The following DCDC2 variants were observed in gnomAD, a reference collection of about 807,000 sequenced individuals.
The protein encoded by DCDC2 is doublecortin domain containing 2.
A neutral mutation model predicts 50.2 loss-of-function variants in DCDC2; 40 were observed. That is an observed-to-expected ratio of 0.80 (90% CI 0.62 to 1.04). The LOEUF (loss-of-function observed/expected upper bound fraction) is 1.04, where lower values mean the gene tolerates loss of function less well. Among genes scored for constraint, DCDC2 ranks in the 50% least tolerant of loss-of-function variants. The pLI is 0.00. For missense variants in DCDC2, 570 were observed against 581.9 expected (o/e 0.98, Z 0.21); for synonymous variants, 234 against 210.6 (o/e 1.11, Z -0.96).
chr6:24,217,485 T>G (rs189968587), intron 7 of DCDC2, among the ~76,000 whole-genome samples: 1 of 152,326 alleles, frequency 6.6e-6, no homozygotes, highest in East Asian at 1.9e-4. Flanking sequence ...CAAGTGCTAG[T>G]GATTCTGTAA....
chr6:24,295,948 C>G lies in DCDC2; in HGVS notation c.558-4870G>C, dbSNP rs556431656. 2.6e-5 allele frequency among the ~76,000 whole-genome samples: 4 copies of G among 152,270 alleles called. No individual in the cohort carries two copies. The South Asian group carries it at 6.2e-4, about 24-fold the overall frequency. On this transcript the variant is annotated intron_variant, in intron 4 of 9. Coordinates refer to ENST00000378454, the MANE Select transcript of DCDC2 (RefSeq NM_016356.5). ...ATTACTGCTATCAAACTACCATTAA[C>G]ATTCTTCACAGAACTAGAAAAAACT... is the stretch of plus-strand genomic sequence containing the variant.
intron 2 of DCDC2, among the ~76,000 whole-genome samples, chr6:24,310,696 T>C (rs1359648771): frequency 6.6e-6 from 1 of 152,218 alleles, no homozygotes; most frequent in Admixed American, 6.5e-5. Context: ...TCTAATGCTT[T>C]TCATTAAAAC....
intron 2 of DCDC2, among the ~76,000 whole-genome samples, chr6:24,305,932 G>A (rs1465302357): frequency 6.6e-6 from 1 of 152,082 alleles, no homozygotes; most frequent in Non-Finnish European, 1.5e-5. Flanking sequence ...GGAAGCTGAG[G>A]GATGAGAATC....
At chr6:24,376,140 T>C in the DCDC2 span, among the ~76,000 whole-genome samples, 2 of 152,340 alleles carry the variant, frequency 1.3e-5, no homozygotes, top group Admixed American at 6.5e-5. Flanking sequence ...TTAAATGTGA[T>C]GTAAGCCCAG....
chr6:24,265,770 G>A (rs189558308), intron 7 of DCDC2, among the ~76,000 whole-genome samples: 3 of 151,118 alleles, frequency 2.0e-5, no homozygotes, highest in Non-Finnish European at 4.4e-5. Flanking sequence ...GTACTAAGAG[G>A]AAAGTTGATA....
intron 2 of DCDC2, among the ~76,000 whole-genome samples, chr6:24,327,708 A>G (rs1268526381): frequency 6.6e-6 from 1 of 152,066 alleles, no homozygotes; most frequent in Non-Finnish European, 1.5e-5. Flanking sequence ...TCCTCACCTC[A>G]GGTGATCCAA....
At chr6:24,238,241 TCA>T (rs1404600664) in intron 7 of DCDC2, among the ~76,000 whole-genome samples, 8 of 134,754 alleles carry the variant, frequency 5.9e-5, no homozygotes, top group Admixed American at 2.2e-4. Flanking sequence ...TGGGGTGTAA[TCA>T]TCCCTGCACA....
intron 7 of DCDC2, among the ~76,000 whole-genome samples, chr6:24,236,661 T>C (rs111541636): frequency 1.2e-4 from 18 of 152,224 alleles, no homozygotes; most frequent in African/African-American, 4.3e-4. Context: ...GCCTAACATC[T>C]TGAATTATAA....
chr6:24,201,486 G>C (rs929574044), intron 8 of DCDC2, among the ~76,000 whole-genome samples: 1 of 152,150 alleles, frequency 6.6e-6, no homozygotes, highest in Admixed American at 6.6e-5. Flanking sequence ...CAGAATCTCT[G>C]AGACACAGCT....
intron 2 of DCDC2, among the ~76,000 whole-genome samples, chr6:24,321,708 A>G (rs1039691291): frequency 2.0e-5 from 3 of 152,176 alleles, no homozygotes; most frequent in African/African-American, 4.8e-5. Context: ...AAAAAGCAAA[A>G]GCGATATCAC....
At chr6:24,189,340 GA>G (rs2113749306) in intron 8 of DCDC2, among the ~76,000 whole-genome samples, 1 of 152,232 alleles carries the variant, frequency 6.6e-6, no homozygotes, top group South Asian at 2.1e-4. Flanking sequence ...GTGGTAAGGG[GA>G]AAGAAGATGG....
At chr6:24,372,216 T>A in the DCDC2 span, among the ~76,000 whole-genome samples, 1 of 152,108 alleles carries the variant, frequency 6.6e-6, no homozygotes, top group East Asian at 1.9e-4. Context: ...GGTCAGGAGA[T>A]TGAGACCATC....
At position 24,331,981 on chromosome 6, in the gene DCDC2, T is replaced by C. The variant is rs1466284655; in HGVS notation, c.348+21588A>G. ...AATTAGGTGAAAAATCAGTTCTTCA[T>C]TTCAGGAGGCTAAAAAATAAGAGAT... On this transcript the variant is annotated intron_variant, in intron 2 of 9. Transcript: ENST00000378454. 3.3e-5 allele frequency among the ~76,000 whole-genome samples: 5 copies of C among 152,222 alleles called. No individual in the cohort carries two copies. In the South Asian group the frequency reaches 8.3e-4, roughly 25 times the overall value.
chr6:24,302,922 T>C (rs1759408427), intron 2 of DCDC2, among the ~76,000 whole-genome samples: 1 of 151,998 alleles, frequency 6.6e-6, no homozygotes, highest in Non-Finnish European at 1.5e-5. Context: ...ATTCCAAATG[T>C]CAAGAAATAG....
At chr6:24,350,458 A>G (rs561031339) in intron 2 of DCDC2, among the ~76,000 whole-genome samples, 43 of 152,294 alleles carry the variant, frequency 2.8e-4, no homozygotes, top group African/African-American at 1.0e-3. Context: ...TGTACTCGGA[A>G]TAATTAGAAT....
upstream of DCDC2, among the ~76,000 whole-genome samples, chr6:24,359,214 T>TTATATATATTTTATATATTATATATTA: frequency 1.7e-5 from 1 of 59,724 alleles, no homozygotes; most frequent in African/African-American, 8.1e-5. Context: ...ATTTTATATA[T>TTATATATATTTTATATATTATATATTA]TATATATTTT....
intron 4 of DCDC2, among the ~76,000 whole-genome samples, chr6:24,300,256 G>A (rs1347846033): frequency 1.3e-5 from 2 of 151,866 alleles, no homozygotes; most frequent in African/African-American, 2.4e-5. Flanking sequence ...AAAGCTAGAC[G>A]TTGTGGTGCA....
chr6:24,372,055 G>A, the DCDC2 span, among the ~76,000 whole-genome samples: 1 of 152,214 alleles, frequency 6.6e-6, no homozygotes, highest in African/African-American at 2.4e-5. Flanking sequence ...GTGGAAGTCA[G>A]TGTGGCAATT....
At chr6:24,232,370 G>C (rs1762354066) in intron 7 of DCDC2, among the ~76,000 whole-genome samples, 1 of 152,218 alleles carries the variant, frequency 6.6e-6, no homozygotes, top group Non-Finnish European at 1.5e-5. Context: ...GCACACTGCT[G>C]TCACTGTGTT....
Sources: gnomAD v4.1 joint callset for allele counts (sites outside exome capture counted in the v4.1 genomes callset) on GRCh38, gnomAD v4.1.1 for gene constraint, MANE v1.5 for transcripts, NCBI Gene and HGNC (gene_info 2026-07-23, HGNC 2026-07-21) for gene names.